The following PSD3 variants were observed in gnomAD, a reference collection of about 807,000 sequenced individuals.
PSD3 encodes the protein PH and SEC7 domain-containing protein 3.
A neutral mutation model predicts 105.5 loss-of-function variants in PSD3; 49 were observed. The observed-to-expected ratio is 0.46, with a 90% CI of 0.37 to 0.59. The LOEUF (loss-of-function observed/expected upper bound fraction) is 0.59, where lower values mean the gene tolerates loss of function less well. Ranked by LOEUF, PSD3 falls within the 20% of genes least tolerant of loss-of-function variation. The probability of loss-of-function intolerance (pLI) is 0.00; values close to 1 mark genes in which losing one functional copy is unlikely to be tolerated. For synonymous variants in PSD3, 557 were observed against 457.8 expected, an observed-to-expected ratio of 1.22 and a Z score of -2.77; for missense variants, 1,561 against 1,263.8, an observed-to-expected ratio of 1.24 and a Z score of -3.57.
intron 9 of PSD3, among the ~76,000 whole-genome samples, chr8:18,732,501 G>C (rs917923629): frequency 6.6e-6 from 1 of 152,228 alleles, no homozygotes; most frequent in African/African-American, 2.4e-5. Flanking sequence ...TAATGGCCGA[G>C]CTGACCTGGG....
chr8:18,913,785 C>A (rs1444383218), intron 2 of PSD3, among the ~76,000 whole-genome samples: 1 of 152,114 alleles, frequency 6.6e-6, no homozygotes, highest in Non-Finnish European at 1.5e-5. Context: ...ATGGTCCCCA[C>A]AAACTAAAGA....
At chr8:18,723,849 G>A (rs1364230993) in intron 9 of PSD3, among the ~76,000 whole-genome samples, 1 of 152,138 alleles carries the variant, frequency 6.6e-6, no homozygotes, top group African/African-American at 2.4e-5. Flanking sequence ...CAGTGTCACT[G>A]AAAAATCATT....
intron 1 of PSD3, among the ~76,000 whole-genome samples, chr8:18,983,584 C>A (rs973438673): frequency 6.6e-6 from 1 of 152,162 alleles, no homozygotes; most frequent in Non-Finnish European, 1.5e-5. Context: ...TGTTGTGTCT[C>A]AGGGAATAGC....
intron 1 of PSD3, among the ~76,000 whole-genome samples, chr8:19,040,539 A>T (rs1828087325): frequency 6.6e-6 from 1 of 152,144 alleles, no homozygotes; most frequent in African/African-American, 2.4e-5. Context: ...GAGATACCTT[A>T]GAGGATTTTA....
chr8:18,921,369 A>G (rs1335110188), intron 2 of PSD3, among the ~76,000 whole-genome samples: 3 of 152,266 alleles, frequency 2.0e-5, no homozygotes, highest in African/African-American at 7.2e-5. Flanking sequence ...TGTGCATGAC[A>G]ACAAACACTA....
chr8:18,799,433 A>T, intron 7 of PSD3, 80 bp from the exon 8 acceptor site: 1 of 1,105,542 alleles, frequency 9.0e-7, no homozygotes, highest in Non-Finnish European at 1.4e-6. Context: ...AATAGGATAC[A>T]CTCAGAACCT....
chr8:18,919,835 C>T (rs1417270676), intron 2 of PSD3, among the ~76,000 whole-genome samples: 1 of 117,186 alleles, frequency 8.5e-6, no homozygotes, highest in Admixed American at 1.2e-4. Context: ...GAACATCACA[C>T]TCTGGGGACT....
At chr8:19,041,199 G>C (rs1828112909) in intron 1 of PSD3, among the ~76,000 whole-genome samples, 2 of 152,084 alleles carry the variant, frequency 1.3e-5, no homozygotes, top group Admixed American at 6.5e-5. Context: ...ACCCAACCTT[G>C]ATCCCATTTT....
chr8:18,730,027 T>C (rs1365900464), intron 9 of PSD3: 1 of 152,180 alleles, frequency 6.6e-6, no homozygotes, highest in Non-Finnish European at 1.5e-5. Context: ...AGCTTCCTCA[T>C]TTTTGAAACA....
At chr8:18,752,502 A>ATATATATATAT (rs1554489398) in intron 9 of PSD3, among the ~76,000 whole-genome samples, 1 of 4,572 alleles carries the variant, frequency 2.2e-4, no homozygotes, top group African/African-American at 3.0e-4. Flanking sequence ...AATATATATA[A>ATATATATATAT]TATATATAAT....
At chr8:19,033,943 G>C (rs1415619258) in intron 1 of PSD3, among the ~76,000 whole-genome samples, 1 of 152,140 alleles carries the variant, frequency 6.6e-6, no homozygotes, top group East Asian at 1.9e-4. Context: ...CTCACTGATA[G>C]AGGGGTTAAG....
chr8:18,593,292 C>A (rs1203552501), intron 12 of PSD3, among the ~76,000 whole-genome samples: 2 of 152,136 alleles, frequency 1.3e-5, no homozygotes, highest in Non-Finnish European at 2.9e-5. Context: ...AAACAAACAA[C>A]CCCATCAAAG....
At chr8:18,802,310 A>G (rs1449479408) in intron 6 of PSD3, 1 of 423,568 alleles carries the variant, frequency 2.4e-6, no homozygotes, top group East Asian at 7.0e-5. Context: ...TTTATTTGAG[A>G]TGAATCCAGA....
intron 9 of PSD3, among the ~76,000 whole-genome samples, chr8:18,751,198 G>C (rs1461356757): frequency 1.3e-5 from 2 of 152,198 alleles, no homozygotes. Flanking sequence ...TGGGAAGGCA[G>C]CTAAGGCCCG....
At chr8:18,818,748 G>A (rs1812438121) in intron 4 of PSD3, among the ~76,000 whole-genome samples, 1 of 152,144 alleles carries the variant, frequency 6.6e-6, no homozygotes, top group African/African-American at 2.4e-5. Context: ...CAGTTGGGAA[G>A]AAAAACATTG....
chr8:18,961,757 A>C (rs143950175), intron 1 of PSD3, among the ~76,000 whole-genome samples: 2,198 of 152,288 alleles, frequency 0.014, 68 homozygotes, highest in African/African-American at 0.05. Context: ...TAAGATTACC[A>C]TAAAGATATT....
intron 1 of PSD3, 81 bp downstream of exon 1, chr8:19,013,482 G>A (rs189736528): frequency 1.5e-4 from 228 of 1,565,056 alleles, no homozygotes; most frequent in Admixed American, 2.4e-4. Flanking sequence ...GGACAGAGCG[G>A]CGACAAAGCA....
chr8:18,737,083 G>T (rs1405658392), intron 9 of PSD3, among the ~76,000 whole-genome samples: 1 of 152,172 alleles, frequency 6.6e-6, no homozygotes, highest in Admixed American at 6.5e-5. Context: ...CACCTGGGGA[G>T]CATCTGAAAA....
At chr8:18,919,728 T>C (rs546560325) in intron 2 of PSD3, among the ~76,000 whole-genome samples, 1 of 151,910 alleles carries the variant, frequency 6.6e-6, no homozygotes, top group East Asian at 1.9e-4. Flanking sequence ...GAAATCATCA[T>C]TCTCAGTAAA....
Sources: gnomAD v4.1 joint callset for allele counts (sites outside exome capture counted in the v4.1 genomes callset) on GRCh38, gnomAD v4.1.1 for gene constraint, MANE v1.5 for transcripts, NCBI Gene and HGNC (gene_info 2026-07-23, HGNC 2026-07-21) for gene names.